The following GCC2 variants were observed in gnomAD, a reference collection of about 807,000 sequenced individuals.
GCC2 encodes the protein GRIP and coiled-coil domain containing 2.
GCC2 carries 120 observed loss-of-function variants against 210.6 expected under a neutral mutation model. That is an observed-to-expected ratio of 0.57 (90% confidence interval 0.49 to 0.66). The LOEUF (loss-of-function observed/expected upper bound fraction) is 0.66, where lower values mean the gene tolerates loss of function less well. GCC2 is among the 30% of genes least tolerant of loss of function. The probability of loss-of-function intolerance (pLI) is 0.00; values close to 1 mark genes in which losing one functional copy is unlikely to be tolerated. For synonymous variants in GCC2, 703 were observed against 652.7 expected, an observed-to-expected ratio of 1.08 and a Z score of -1.17; for missense variants, 1,868 against 1,871.9, an observed-to-expected ratio of 1.00 and a Z score of 0.04.
At chr2:108,486,751 T>TA in intron 16 of GCC2, 103 bp downstream of exon 16, 1 of 1,011,260 alleles carries the variant, frequency 9.9e-7, no homozygotes. Flanking sequence ...ATTTTCCTGT[T>TA]AAGAGCACTT....
chr2:108,482,487 A>T, intron 11 of GCC2, 36 bp downstream of exon 11: 4 of 1,031,720 alleles, frequency 3.9e-6, no homozygotes, highest in Non-Finnish European at 5.9e-6. Flanking sequence ...TCACATATAT[A>T]TGATGCATTT....
chr2:108,455,343 G>GCTT (rs1558727553), intron 4 of GCC2, among the ~76,000 whole-genome samples: 2 of 152,082 alleles, frequency 1.3e-5, no homozygotes, highest in East Asian at 3.9e-4. Flanking sequence ...GGTAGCTGAG[G>GCTT]CAGAAGAATC....
Position 108,483,097 on chromosome 2 carries a change from T to G in GCC2, c.3381T>G (p.Leu1127=). 9.4e-6 allele frequency: 15 copies of G among 1,595,172 alleles called. No homozygotes were observed. The highest frequency in any genetic ancestry group is 1.3e-5 in the Non-Finnish European group (15 of 1,162,952). ...CTACTGTAAATGAACTTGAAGAACT[T>G]CAGGTACAACTTCAAAAGCAAAAGA... ...HATTVNELEE[L]QVQLQKQKKQ... Residue 1127 remains leucine (L), a synonymous_variant, in exon 12 of 23, where the codon CTT becomes CTG. Transcript: ENST00000309863.
intron 20 of GCC2, 156 bp from the exon 21 acceptor site, chr2:108,496,814 T>C (rs1040121210): frequency 1.1e-4 from 107 of 1,005,282 alleles, no homozygotes; most frequent in Non-Finnish European, 1.5e-4. Context: ...CAACATATAA[T>C]CTGTTGATTG....
intron 4 of GCC2, among the ~76,000 whole-genome samples, chr2:108,454,560 A>G (rs1680145547): frequency 6.6e-6 from 1 of 152,226 alleles, no homozygotes; most frequent in Admixed American, 6.5e-5. Flanking sequence ...TTCTTAATCC[A>G]TGATAGCCAC....
At chr2:108,478,401 G>T (rs1558746445) in intron 9 of GCC2, among the ~76,000 whole-genome samples, 1 of 152,146 alleles carries the variant, frequency 6.6e-6, no homozygotes, top group Non-Finnish European at 1.5e-5. Flanking sequence ...GCTCTATTAG[G>T]TTCTTCAGGA....
chr2:108,457,347 A>G (rs1680327182), intron 4 of GCC2, among the ~76,000 whole-genome samples: 2 of 152,146 alleles, frequency 1.3e-5, no homozygotes, highest in African/African-American at 4.8e-5. Flanking sequence ...ATTGGTCTGT[A>G]TGCTTGTTTA....
At chr2:108,482,954 A>G in intron 11 of GCC2, 108 bp from the exon 12 acceptor site, 1 of 653,824 alleles carries the variant, frequency 1.5e-6, no homozygotes, top group Non-Finnish European at 2.8e-6. Context: ...TGCTGGGATT[A>G]CAGGTGTGAG....
Position 108,449,259 on chromosome 2 carries a change from C to G in GCC2, c.-16C>G. 4 of 1,548,908 alleles carry G rather than the reference C, an allele frequency of 2.6e-6. No individual in the cohort carries two copies. Among genetic ancestry groups the G allele is most frequent in the Non-Finnish European group, 3.5e-6 (4 of 1,144,964 alleles). On this transcript the variant is annotated 5_prime_UTR_variant, in exon 1 of 23. Transcript: ENST00000309863. ...GTGGCGGCGGCTGGTTGCGGGCCGG[C>G]GGCGGGCTGGCGGAGATGGAGGTAA...
At chr2:108,461,390 A>G (rs994240160) in intron 4 of GCC2, among the ~76,000 whole-genome samples, 2 of 151,514 alleles carry the variant, frequency 1.3e-5, no homozygotes, top group Admixed American at 6.6e-5. Context: ...TTTGCATTGT[A>G]TTTGTTTGGG....
chr2:108,475,924 A>G, intron 9 of GCC2, 74 bp downstream of exon 9: 1 of 756,020 alleles, frequency 1.3e-6, no homozygotes. Flanking sequence ...ATGTAGTGGA[A>G]ATGTAAAACT....
In GCC2 at chr2:108,496,262, T is replaced by C. The variant is rs368729172; in HGVS notation, c.4643-708T>C. The C allele has an allele frequency of 2.0e-5, 3 of 152,118 alleles. No homozygotes were observed. The East Asian group carries it at 5.8e-4, about 29-fold the overall frequency. 9.4% of individuals were successfully genotyped at this position (152,118 alleles called of 1,614,324 possible). On this transcript the variant is annotated intron_variant, in intron 20 of 22. Coordinates refer to ENST00000309863, the MANE Select transcript of GCC2 (RefSeq NM_181453.4). Reference sequence around the variant, plus strand: ...ATGAAGTAATGCTAAATTTTTGTAGTGATGTTTTGGTATATTTTATTACCT... The same window carrying C: ...ATGAAGTAATGCTAAATTTTTGTAGCGATGTTTTGGTATATTTTATTACCT...
At chr2:108,472,338 A>G (rs1023529146) in intron 6 of GCC2, among the ~76,000 whole-genome samples, 1 of 152,152 alleles carries the variant, frequency 6.6e-6, no homozygotes, top group Non-Finnish European at 1.5e-5. Context: ...TTGAGTTTAT[A>G]GAAGATTAAA....
chr2:108,460,669 T>C (rs1680521518), intron 4 of GCC2, among the ~76,000 whole-genome samples: 1 of 152,224 alleles, frequency 6.6e-6, no homozygotes, highest in Non-Finnish European at 1.5e-5. Flanking sequence ...GAAGACTTTA[T>C]TTCTCCTTCA....
Position 108,508,386 on chromosome 2 carries a change from A to G in GCC2, c.*756A>G, listed in dbSNP as rs1573253763. On this transcript the variant is annotated 3_prime_UTR_variant, in exon 23 of 23. Transcript: ENST00000309863. ...AAACTCTTCTTTTTTTCTTTAAAGT[A>G]TACTATCTCAAAACTCATTATGTTG... 2.1e-5 allele frequency: 3 copies of G among 140,202 alleles called. 1 individual carries two copies. Among genetic ancestry groups the G allele is most frequent in the African/African-American group, 8.0e-5 (3 of 37,730 alleles). The allele number at this position is 140,202 out of a possible 1,614,324, so 8.7% of individuals were successfully genotyped here.
intron 20 of GCC2, 56 bp from the exon 21 acceptor site, chr2:108,496,914 A>T: frequency 1.0e-5 from 16 of 1,606,766 alleles, no homozygotes; most frequent in Non-Finnish European, 1.3e-5. Context: ...CTTATTTAGA[A>T]TCTTCATCTT....
intron 12 of GCC2, 99 bp from the exon 13 acceptor site, chr2:108,484,050 T>C: frequency 3.2e-6 from 2 of 623,126 alleles, no homozygotes; most frequent in South Asian, 4.9e-5. Flanking sequence ...CACCCATTTA[T>C]TGCTGTGGCA....
chr2:108,507,426 G>GC (rs1365682249), intron 22 of GCC2, 134 bp from the exon 23 acceptor site: 13 of 439,038 alleles, frequency 3.0e-5, no homozygotes, highest in Non-Finnish European at 4.4e-5. Context: ...CAAAAAAAAG[G>GC]CATGTAATCA....
At chr2:108,450,902 AGT>A in intron 2 of GCC2, 124 bp from the exon 3 acceptor site, 3 of 652,288 alleles carry the variant, frequency 4.6e-6, no homozygotes, top group Non-Finnish European at 8.1e-6. Flanking sequence ...TGTGGAACAA[AGT>A]ATGCGGTTGG....
Sources: allele counts gnomAD v4.1 joint callset (sites outside exome capture counted in the v4.1 genomes callset), GRCh38; gene constraint gnomAD v4.1.1; transcripts MANE v1.5; gene names NCBI Gene and HGNC (gene_info 2026-07-23, HGNC 2026-07-21).